SEMA6D: variants seen among roughly 807,000 people sequenced by gnomAD.
SEMA6D encodes semaphorin 6D, also known as semaphorin-6D.
In SEMA6D, 35 loss-of-function variants were observed where a neutral mutation model predicts 106.6. That is an observed-to-expected ratio of 0.33 (90% CI 0.25 to 0.44). The LOEUF (loss-of-function observed/expected upper bound fraction) is 0.44. SEMA6D is among the 20% of genes least tolerant of loss of function. SEMA6D has a pLI of 1.00. For missense variants in SEMA6D, 1,185 were observed against 1,345.9 expected, an observed-to-expected ratio of 0.88 and a Z score of 1.87; for synonymous variants, 499 against 487.7, an observed-to-expected ratio of 1.02 and a Z score of -0.31.
At chr15:47,191,637 G>A (rs1282476965) in intron 1 of SEMA6D, among the ~76,000 whole-genome samples, 5 of 152,102 alleles carry the variant, frequency 3.3e-5, no homozygotes, top group Non-Finnish European at 5.9e-5. Flanking sequence ...AAATGAAAAG[G>A]TCCCTGCTCT....
At chr15:47,730,493 T>C in intron 1 of SEMA6D, 1 of 1,304,424 alleles carries the variant, frequency 7.7e-7, no homozygotes, top group South Asian at 1.2e-5. Context: ...CTGAGCTTTC[T>C]TATTGTCCAC....
chr15:47,410,269 C>T (rs115816616), intron 1 of SEMA6D, among the ~76,000 whole-genome samples: 2,093 of 152,248 alleles, frequency 0.014, 55 homozygotes, highest in African/African-American at 0.048. Flanking sequence ...AGGCAGGAGC[C>T]ACTGCACCTG....
chr15:47,232,242 A>G (rs2032246425), intron 1 of SEMA6D, among the ~76,000 whole-genome samples: 1 of 152,022 alleles, frequency 6.6e-6, no homozygotes, highest in Non-Finnish European at 1.5e-5. Context: ...CATATTGTTC[A>G]TTCATCAGTC....
chr15:47,534,671 C>T (rs1258249716), intron 3 of SEMA6D, among the ~76,000 whole-genome samples: 1 of 152,114 alleles, frequency 6.6e-6, no homozygotes, highest in Non-Finnish European at 1.5e-5. Flanking sequence ...GTTGGAGAGA[C>T]TACGTAATGC....
chr15:47,204,338 T>C (rs1396581241), intron 1 of SEMA6D, among the ~76,000 whole-genome samples: 2 of 152,136 alleles, frequency 1.3e-5, no homozygotes, highest in African/African-American at 4.8e-5. Context: ...AGGTAAATTC[T>C]CTCACTATGG....
At chr15:47,360,353 C>T (rs1473127353) in intron 1 of SEMA6D, among the ~76,000 whole-genome samples, 1 of 152,190 alleles carries the variant, frequency 6.6e-6, no homozygotes, top group Non-Finnish European at 1.5e-5. Flanking sequence ...GCTGACAGAA[C>T]CCCTTAGACC....
At chr15:47,207,741 AGGGCTCTAAATTGTGGCTCCCAAACATGG>A in intron 1 of SEMA6D, among the ~76,000 whole-genome samples, 2 of 152,186 alleles carry the variant, frequency 1.3e-5, no homozygotes, top group South Asian at 4.1e-4. Context: ...CTAAGAGAAA[AGGGCTCTAAATTGTGGCTCCCAAACATGG>A]GTCCTTGGAG....
chr15:47,286,409 A>G (rs2035364618), intron 1 of SEMA6D, among the ~76,000 whole-genome samples: 1 of 152,188 alleles, frequency 6.6e-6, no homozygotes, highest in Non-Finnish European at 1.5e-5. Context: ...ATTATAAAAT[A>G]TGTATTGATT....
At chr15:47,697,079 G>A (rs1330072580) in intron 4 of SEMA6D, among the ~76,000 whole-genome samples, 1 of 152,010 alleles carries the variant, frequency 6.6e-6, no homozygotes, top group Non-Finnish European at 1.5e-5. Context: ...TTGAATAAGG[G>A]AAAAAATGTA....
chr15:47,681,079 C>A (rs1250275335), intron 4 of SEMA6D, among the ~76,000 whole-genome samples: 2 of 152,220 alleles, frequency 1.3e-5, no homozygotes, highest in Non-Finnish European at 2.9e-5. Context: ...AATCCCACTT[C>A]TGGGTATTTA....
chr15:47,702,178 C>G (rs1034851273), intron 4 of SEMA6D, among the ~76,000 whole-genome samples: 4 of 152,164 alleles, frequency 2.6e-5, no homozygotes, highest in African/African-American at 9.7e-5. Context: ...AATGTCTCTT[C>G]CCCATTCCTT....
chr15:47,674,359 C>G (rs1351892281), intron 4 of SEMA6D, among the ~76,000 whole-genome samples: 2 of 152,240 alleles, frequency 1.3e-5, no homozygotes, highest in African/African-American at 4.8e-5. Context: ...ATTCCTCAGA[C>G]ACCATTATTG....
chr15:47,542,517 T>A (rs1168506672), intron 3 of SEMA6D, among the ~76,000 whole-genome samples: 2 of 152,160 alleles, frequency 1.3e-5, no homozygotes, highest in Admixed American at 6.5e-5. Flanking sequence ...TATGTACAAC[T>A]CACAAGTAAT....
intron 3 of SEMA6D, among the ~76,000 whole-genome samples, chr15:47,581,800 C>T (rs2076259115): frequency 6.6e-6 from 1 of 152,154 alleles, no homozygotes; most frequent in Non-Finnish European, 1.5e-5. Flanking sequence ...CTGATTGAAG[C>T]ACCTGCTCTA....
intron 3 of SEMA6D, among the ~76,000 whole-genome samples, chr15:47,573,515 A>C (rs1267528694): frequency 6.6e-6 from 1 of 152,176 alleles, no homozygotes; most frequent in African/African-American, 2.4e-5. Context: ...CTCCCTTGGG[A>C]ATATCTTAAG....
At chr15:47,380,457 C>CT (rs1001807064) in intron 1 of SEMA6D, 1 of 152,178 alleles carries the variant, frequency 6.6e-6, no homozygotes, top group African/African-American at 2.4e-5. Context: ...GTTACATTAC[C>CT]TTTACAGAAT....
chr15:47,692,253 G>T (rs12148669), intron 4 of SEMA6D, among the ~76,000 whole-genome samples: 55,131 of 151,920 alleles, frequency 0.36, 11,232 homozygotes, highest in Middle Eastern at 0.5. Flanking sequence ...GTGGTAGAAA[G>T]GTACTTTCCT....
chr15:47,419,259 A>G (rs1020732220), intron 2 of SEMA6D, among the ~76,000 whole-genome samples: 1 of 152,132 alleles, frequency 6.6e-6, no homozygotes, highest in African/African-American at 2.4e-5. Context: ...CACAAAGTCA[A>G]GTGTTTGACT....
intron 3 of SEMA6D, among the ~76,000 whole-genome samples, chr15:47,527,228 T>A (rs2142012379): frequency 1.3e-5 from 2 of 152,296 alleles, no homozygotes; most frequent in African/African-American, 4.8e-5. Context: ...GCAGCTCTAA[T>A]TTTGAAAGTG....
Sources: allele counts gnomAD v4.1 joint callset (sites outside exome capture counted in the v4.1 genomes callset), GRCh38; gene constraint gnomAD v4.1.1; transcripts MANE v1.5; gene names NCBI Gene and HGNC (gene_info 2026-07-23, HGNC 2026-07-21).